Variants in CADM2 observed in about 807,000 individuals in gnomAD.
CADM2 encodes cell adhesion molecule 2.
Under a neutral mutation model 49.8 loss-of-function variants are expected in CADM2, and 12 were observed. The ratio of observed to expected loss-of-function variants is 0.24; its 90% CI spans 0.15 to 0.39. The LOEUF (loss-of-function observed/expected upper bound fraction) is 0.39, where lower values mean the gene tolerates loss of function less well. Among genes scored for constraint, CADM2 ranks in the 10% least tolerant of loss-of-function variants. The probability of loss-of-function intolerance (pLI) is 1.00; values close to 1 mark genes in which losing one functional copy is unlikely to be tolerated. For missense variants in CADM2, 378 were observed against 492.3 expected (o/e 0.77, Z 2.20); for synonymous variants, 214 against 175.4 (o/e 1.22, Z -1.74).
At position 85,499,544 on chromosome 3, in the gene CADM2, ATAT is replaced by A. The variant is rs1485157255; in HGVS notation, c.62-226975_62-226973del. Among the ~76,000 whole-genome samples, 14 of 151,372 alleles carry A rather than the reference ATAT, an allele frequency of 9.2e-5. 1 individual carries two copies. The highest frequency in any genetic ancestry group is 1.5e-5 in the Non-Finnish European group (1 of 67,808). On this transcript the variant is annotated intron_variant, in intron 1 of 9. Coordinates refer to ENST00000383699, the MANE Select transcript of CADM2 (RefSeq NM_001167675.2). ...TAATTAATTTATATTACATAAATTA[ATAT>A]TAATGTATTATTAAATAATCTATCA...
At chr3:85,184,847 TA>T (rs1233146625) in intron 1 of CADM2, among the ~76,000 whole-genome samples, 1 of 152,166 alleles carries the variant, frequency 6.6e-6, no homozygotes, top group Non-Finnish European at 1.5e-5. Context: ...ATAAATATCC[TA>T]GACCTTAGTT....
intron 1 of CADM2, among the ~76,000 whole-genome samples, chr3:85,016,324 C>G (rs1463707010): frequency 2.6e-5 from 4 of 152,066 alleles, no homozygotes; most frequent in African/African-American, 9.7e-5. Flanking sequence ...GAGCCAAAAC[C>G]ATTTCCAACA....
chr3:85,929,520 G>A (rs1559748768), intron 6 of CADM2, among the ~76,000 whole-genome samples: 4 of 151,772 alleles, frequency 2.6e-5, no homozygotes, highest in Non-Finnish European at 5.9e-5. Flanking sequence ...AGTAAAAAGT[G>A]GAGTAACATA....
chr3:84,993,390 G>C (rs910477710), intron 1 of CADM2, among the ~76,000 whole-genome samples: 8 of 152,154 alleles, frequency 5.3e-5, no homozygotes, highest in African/African-American at 1.9e-4. Flanking sequence ...ATATGGAGTA[G>C]TTTCTTGACA....
At chr3:86,022,582 C>T (rs1015132657) in intron 8 of CADM2, among the ~76,000 whole-genome samples, 1 of 152,002 alleles carries the variant, frequency 6.6e-6, no homozygotes, top group Non-Finnish European at 1.5e-5. Flanking sequence ...TTGCTTTTGT[C>T]AAAACTGTAA....
intron 1 of CADM2, among the ~76,000 whole-genome samples, chr3:85,339,638 T>A (rs748629863): frequency 6.6e-6 from 1 of 151,482 alleles, no homozygotes; most frequent in African/African-American, 2.4e-5. Flanking sequence ...TTTGTGGGAA[T>A]GACTGAGTTT....
At chr3:85,721,925 G>T (rs1314245320) in intron 1 of CADM2, among the ~76,000 whole-genome samples, 2 of 152,218 alleles carry the variant, frequency 1.3e-5, no homozygotes, top group East Asian at 3.9e-4. Flanking sequence ...GCAGAAACAT[G>T]GAGGGTGAGC....
chr3:85,368,394 A>G (rs1428122439), intron 1 of CADM2, among the ~76,000 whole-genome samples: 2 of 152,004 alleles, frequency 1.3e-5, no homozygotes, highest in East Asian at 1.9e-4. Flanking sequence ...GCGTGGGCCA[A>G]TATTATTTCC....
chr3:85,948,170 T>C (rs1217184322), intron 7 of CADM2, among the ~76,000 whole-genome samples: 2 of 151,576 alleles, frequency 1.3e-5, no homozygotes, highest in Non-Finnish European at 3.0e-5. Context: ...TATGTGTTTA[T>C]ATAGCAAATT....
intron 5 of CADM2, among the ~76,000 whole-genome samples, chr3:85,891,532 G>GT (rs150034688): frequency 0.018 from 2,723 of 152,268 alleles, 85 homozygotes; most frequent in African/African-American, 0.061. Flanking sequence ...AGTTATCACT[G>GT]TGGGCCCCTT....
chr3:85,992,671 C>A (rs1728923363), intron 8 of CADM2: 2 of 152,064 alleles, frequency 1.3e-5, no homozygotes, highest in Admixed American at 6.6e-5. Context: ...AGCATCATGT[C>A]CATAAAAACA....
chr3:85,427,553 T>G (rs560040119), intron 1 of CADM2, among the ~76,000 whole-genome samples: 1 of 152,234 alleles, frequency 6.6e-6, no homozygotes, highest in African/African-American at 2.4e-5. Flanking sequence ...AGTCATCACC[T>G]TCTGAATTAA....
chr3:85,527,038 G>C (rs1385180409), intron 1 of CADM2, among the ~76,000 whole-genome samples: 1 of 152,058 alleles, frequency 6.6e-6, no homozygotes, highest in Non-Finnish European at 1.5e-5. Context: ...CAAAATACCA[G>C]ATTTTCACAT....
At chr3:85,726,877 T>C (rs2067718993) in intron 2 of CADM2, among the ~76,000 whole-genome samples, 1 of 152,024 alleles carries the variant, frequency 6.6e-6, no homozygotes, top group African/African-American at 2.4e-5. Context: ...TTGGGCAAAA[T>C]ACAGCATAAA....
chr3:85,163,292 C>T (rs1335514808), intron 1 of CADM2, among the ~76,000 whole-genome samples: 5 of 151,894 alleles, frequency 3.3e-5, no homozygotes, highest in African/African-American at 9.7e-5. Context: ...AGGTATTTGC[C>T]GGATAATGTT....
At chr3:85,281,311 G>A (rs61399186) in intron 1 of CADM2, among the ~76,000 whole-genome samples, 10,067 of 151,774 alleles carry the variant, frequency 0.066, 1,092 homozygotes, top group African/African-American at 0.23. Flanking sequence ...AAAGAAACAT[G>A]CAAAAATGTA....
intron 1 of CADM2, among the ~76,000 whole-genome samples, chr3:85,555,458 T>C (rs2061936890): frequency 1.3e-5 from 2 of 152,158 alleles, no homozygotes; most frequent in Non-Finnish European, 2.9e-5. Context: ...TATATAATAG[T>C]ATTAATTGTA....
chr3:85,479,185 A>G (rs929990325), intron 1 of CADM2, among the ~76,000 whole-genome samples: 1 of 151,740 alleles, frequency 6.6e-6, no homozygotes, highest in African/African-American at 2.4e-5. Flanking sequence ...AACTCCTGTA[A>G]TCCTCCTGCT....
chr3:84,983,430 C>A (rs1038104985), intron 1 of CADM2, among the ~76,000 whole-genome samples: 1 of 150,934 alleles, frequency 6.6e-6, no homozygotes, highest in Admixed American at 6.6e-5. Flanking sequence ...GACTATTATG[C>A]CTAGAATTCC....
Sources: gnomAD v4.1 joint callset for allele counts (sites outside exome capture counted in the v4.1 genomes callset) on GRCh38, gnomAD v4.1.1 for gene constraint, MANE v1.5 for transcripts, NCBI Gene and HGNC (gene_info 2026-07-23, HGNC 2026-07-21) for gene names.